The following TNRC6A variants were observed in gnomAD, a reference collection of about 807,000 sequenced individuals.
TNRC6A encodes the protein trinucleotide repeat containing adaptor 6A, also known as trinucleotide repeat-containing gene 6A protein.
A neutral mutation model predicts 221.2 loss-of-function variants in TNRC6A; 44 were observed. That is an observed-to-expected ratio of 0.20 (90% CI 0.16 to 0.26). The LOEUF (loss-of-function observed/expected upper bound fraction) is 0.26, where lower values mean the gene tolerates loss of function less well. Ranked by LOEUF, TNRC6A falls within the 10% of genes least tolerant of loss-of-function variation. The pLI is 1.00. For missense variants in TNRC6A, 2,199 were observed against 2,404.4 expected, an observed-to-expected ratio of 0.91 and a Z score of 1.79; for synonymous variants, 847 against 838.5, an observed-to-expected ratio of 1.01 and a Z score of -0.18.
chr16:24,818,809 C>A, intron 21 of TNRC6A, 109 bp downstream of exon 21: 2 of 828,914 alleles, frequency 2.4e-6, no homozygotes, highest in South Asian at 1.4e-5. Flanking sequence ...TTAGGAGATT[C>A]TGTTTGTGAG....
At chr16:24,637,973 C>G (rs1901726311) in intron 1 of TNRC6A, among the ~76,000 whole-genome samples, 1 of 151,946 alleles carries the variant, frequency 6.6e-6, no homozygotes, top group East Asian at 1.9e-4. Flanking sequence ...TTAGTAGAGA[C>G]AGGGCTTTAC....
chr16:24,705,379 T>G (rs2056076032), intron 2 of TNRC6A, among the ~76,000 whole-genome samples: 1 of 152,080 alleles, frequency 6.6e-6, no homozygotes, highest in African/African-American at 2.4e-5. Context: ...TCACCCAGGC[T>G]GGAGTGCAGT....
At chr16:24,700,836 C>G (rs1281684130) in intron 2 of TNRC6A, among the ~76,000 whole-genome samples, 1 of 152,216 alleles carries the variant, frequency 6.6e-6, no homozygotes, top group African/African-American at 2.4e-5. Context: ...TCTCTTGCTT[C>G]TTTATAGCAA....
At chr16:24,649,731 A>G (rs1329203922) in intron 2 of TNRC6A, among the ~76,000 whole-genome samples, 1 of 148,716 alleles carries the variant, frequency 6.7e-6, no homozygotes, top group Non-Finnish European at 1.5e-5. Flanking sequence ...TCTTGAACTT[A>G]TTCCTCCAGT....
chr16:24,808,965 T>C (rs2152018401), intron 17 of TNRC6A, among the ~76,000 whole-genome samples: 1 of 152,326 alleles, frequency 6.6e-6, no homozygotes, highest in African/African-American at 2.4e-5. Flanking sequence ...CCTTAAGATA[T>C]ATCTGTCCCC....
intron 5 of TNRC6A, among the ~76,000 whole-genome samples, chr16:24,785,367 A>T (rs549886525): frequency 6.6e-6 from 1 of 152,332 alleles, no homozygotes; most frequent in South Asian, 2.1e-4. Context: ...TCCAGGAACA[A>T]GTTTCTTCAC....
chr16:24,682,680 G>A (rs1567353054), intron 2 of TNRC6A, among the ~76,000 whole-genome samples: 2 of 152,140 alleles, frequency 1.3e-5, no homozygotes, highest in Non-Finnish European at 2.9e-5. Flanking sequence ...GAAGCCTATA[G>A]AGAGAGGGCC....
At position 24,617,261 on chromosome 16, in the gene TNRC6A, G is replaced by A. The variant is rs1043722729; in HGVS notation, n.276+6777G>A. The stretch of plus-strand genomic sequence containing the variant: ...CCACATCAGCCTCCTGAGTAGCTGA[G>A]ACTACAGGTGTATGTCACCACACTT... On this transcript the variant is annotated intron_variant and non_coding_transcript_variant, in intron 1 of 2. Coordinates refer to the TNRC6A transcript ENST00000566108. 3.9e-5 allele frequency among the ~76,000 whole-genome samples: 6 copies of A among 152,052 alleles called. No individual in the cohort carries two copies. In the South Asian group the frequency reaches 1.2e-3, roughly 32 times the overall value.
Position 24,804,142 on chromosome 16 carries a change from C to T in TNRC6A, c.3695-35C>T, listed in dbSNP as rs375161115. The T allele has an allele frequency of 2.6e-6, 4 of 1,549,268 alleles. No homozygotes were observed. The African/African-American group carries it at 4.2e-5, about 16-fold the overall frequency. ...ATTTATCTGAAACCAATTGGGTTGTCTTCCTGTTTGATAACAGTCTCCTGC... is the reference window on the plus strand; with the variant it reads ...ATTTATCTGAAACCAATTGGGTTGTTTTCCTGTTTGATAACAGTCTCCTGC... On this transcript the variant is annotated intron_variant, in intron 11 of 24. Transcript: ENST00000395799.
intron 2 of TNRC6A, among the ~76,000 whole-genome samples, chr16:24,700,227 T>A (rs1216455416): frequency 6.6e-6 from 1 of 151,932 alleles, no homozygotes; most frequent in Non-Finnish European, 1.5e-5. Flanking sequence ...AGTGAGACCC[T>A]GTGTCTGAAT....
At chr16:24,798,369 AC>A (rs2058264270) in intron 11 of TNRC6A, among the ~76,000 whole-genome samples, 1 of 152,202 alleles carries the variant, frequency 6.6e-6, no homozygotes, top group Non-Finnish European at 1.5e-5. Flanking sequence ...GTGAAAGATC[AC>A]CTGGATAAAG....
At chr16:24,792,189 A>T (rs2058116876) in intron 6 of TNRC6A, among the ~76,000 whole-genome samples, 1 of 152,184 alleles carries the variant, frequency 6.6e-6, no homozygotes, top group Admixed American at 6.5e-5. Flanking sequence ...TACTCTCTAA[A>T]CATTAGGTTG....
chr16:24,822,248 A>G (rs2058780566), intron 23 of TNRC6A, 101 bp downstream of exon 23: 1 of 1,136,256 alleles, frequency 8.8e-7, no homozygotes, highest in African/African-American at 1.5e-5. Context: ...GTGGTAGTGA[A>G]GCCGAGCAGA....
In TNRC6A at chr16:24,819,321, A is replaced by G. The variant is rs114719318; in HGVS notation, c.5080+621A>G. Reference sequence around the variant, plus strand: ...CTCCTTGCTGTCCCCTCATGCTTTTAGCATGATAGTTGATGTGGTTTACTG... The same window carrying G: ...CTCCTTGCTGTCCCCTCATGCTTTTGGCATGATAGTTGATGTGGTTTACTG... On this transcript the variant is annotated intron_variant, in intron 21 of 24. Transcript: ENST00000395799. 8.8e-3 allele frequency among the ~76,000 whole-genome samples: 1,343 copies of G among 152,070 alleles called. 24 individuals carry two copies. Among genetic ancestry groups the G allele is most frequent in the African/African-American group, 0.031 (1,275 of 41,528 alleles).
chr16:24,790,796 G>T lies in TNRC6A; in HGVS notation c.2154G>T (p.Leu718=). ...VNRTDLDPRV[L]SNSGWGQTPI... ...GAACTGACTTAGATCCACGTGTCCTGTCCAACTCTGGTTGGGGACAGACTC... is the reference window on the plus strand; with the variant it reads ...GAACTGACTTAGATCCACGTGTCCTTTCCAACTCTGGTTGGGGACAGACTC... The change falls in exon 6 of 25, where the codon CTG becomes CTT. Residue 718 remains leucine, a synonymous_variant. Coordinates refer to ENST00000395799, the MANE Select transcript of TNRC6A (RefSeq NM_014494.4). The T allele has an allele frequency of 6.2e-7, 1 of 1,614,136 alleles. No homozygotes were observed. Among genetic ancestry groups the T allele is most frequent in the Non-Finnish European group, 8.5e-7 (1 of 1,180,050 alleles).
chr16:24,792,203 A>G (rs2058117315), intron 6 of TNRC6A, among the ~76,000 whole-genome samples: 1 of 152,138 alleles, frequency 6.6e-6, no homozygotes, highest in Admixed American at 6.5e-5. Flanking sequence ...TAGGTTGTAT[A>G]TTTGGCTTTA....
chr16:24,670,525 G>C (rs1439146184), intron 2 of TNRC6A, among the ~76,000 whole-genome samples: 1 of 152,132 alleles, frequency 6.6e-6, no homozygotes, highest in African/African-American at 2.4e-5. Flanking sequence ...ATATTTAAAT[G>C]ATGTCTTAGT....
chr16:24,623,190 T>TTTATTTAC (rs367608685), intron 1 of TNRC6A, among the ~76,000 whole-genome samples: 4,394 of 147,872 alleles, frequency 0.03, 91 homozygotes, highest in African/African-American at 0.043. Context: ...TATTTATTTA[T>TTTATTTAC]TTACTTATTT....
intron 4 of TNRC6A, among the ~76,000 whole-genome samples, chr16:24,760,074 C>A (rs1045554050): frequency 2.0e-5 from 3 of 152,144 alleles, no homozygotes; most frequent in Admixed American, 6.6e-5. Flanking sequence ...TTGACCTAAC[C>A]AGCCTGTTTC....
Sources: gnomAD v4.1 joint callset for allele counts (sites outside exome capture counted in the v4.1 genomes callset) on GRCh38, gnomAD v4.1.1 for gene constraint, MANE v1.5 for transcripts, NCBI Gene and HGNC (gene_info 2026-07-23, HGNC 2026-07-21) for gene names.